Variants in ANKH observed in about 807,000 individuals in gnomAD.
ANKH encodes ANKH inorganic pyrophosphate transport regulator.
ANKH carries 15 observed loss-of-function variants against 49.0 expected under a neutral mutation model. The ratio of observed to expected loss-of-function variants is 0.31; its 90% CI spans 0.20 to 0.47. The LOEUF is 0.47. ANKH is among the 20% of genes least tolerant of loss of function. The pLI is 1.00. For synonymous variants in ANKH, 273 were observed against 260.0 expected (o/e 1.05, Z -0.48); for missense variants, 429 against 652.0 (o/e 0.66, Z 3.72).
At chr5:14,716,244 G>A (rs1737453580) in intron 9 of ANKH, among the ~76,000 whole-genome samples, 2 of 152,194 alleles carry the variant, frequency 1.3e-5, no homozygotes, top group Non-Finnish European at 2.9e-5. Flanking sequence ...GCTCACGCCT[G>A]TAATCCCAGC....
At chr5:14,806,385 T>G (rs951909766) in intron 1 of ANKH, among the ~76,000 whole-genome samples, 1 of 152,116 alleles carries the variant, frequency 6.6e-6, no homozygotes, top group Non-Finnish European at 1.5e-5. Flanking sequence ...CAACAGACTT[T>G]AATGCTTTAA....
intron 1 of ANKH, among the ~76,000 whole-genome samples, chr5:14,782,027 G>C (rs1348971324): frequency 6.6e-6 from 1 of 151,968 alleles, no homozygotes; most frequent in African/African-American, 2.4e-5. Flanking sequence ...TTTTTTTCTT[G>C]ATGACCCCAG....
chr5:14,713,036 G>T lies in ANKH; in HGVS notation c.1266-63C>A. On this transcript the variant is annotated intron_variant, in intron 10 of 11. Coordinates refer to ENST00000284268, the MANE Select transcript of ANKH (RefSeq NM_054027.6). The surrounding 1 kb of genome is among the most constrained non-coding windows in gnomAD (Gnocchi z 4.4). ...GCCAAGTCAAGGCACAACCGTCGAT[G>T]CCAAAACCCAGGAAAGTAAGTGTAG... 1 of 1,488,682 alleles carries T rather than the reference G, an allele frequency of 6.7e-7. No individual in the cohort carries two copies. The highest frequency in any genetic ancestry group is 9.2e-7 in the Non-Finnish European group (1 of 1,084,100). The allele number at this position is 1,488,682 out of a possible 1,614,324, so 92.2% of individuals were successfully genotyped here.
intron 1 of ANKH, among the ~76,000 whole-genome samples, chr5:14,864,041 C>T (rs1273900383): frequency 6.6e-6 from 1 of 152,006 alleles, no homozygotes; most frequent in Non-Finnish European, 1.5e-5. Flanking sequence ...ATCACAAGAC[C>T]CAATCTCTAC....
At chr5:14,820,674 A>T (rs1188046066) in intron 1 of ANKH, among the ~76,000 whole-genome samples, 1 of 152,214 alleles carries the variant, frequency 6.6e-6, no homozygotes, top group Non-Finnish European at 1.5e-5. Flanking sequence ...CACTAAACTG[A>T]CTTGGAAGAA....
At chr5:14,763,816 C>T (rs937568) in intron 2 of ANKH, among the ~76,000 whole-genome samples, 26,011 of 152,170 alleles carry the variant, frequency 0.17, 2,401 homozygotes, top group Middle Eastern at 0.28. Flanking sequence ...AGGCTGGGCA[C>T]GGTGGCTTAT....
At chr5:14,789,912 G>A (rs969074648) in intron 1 of ANKH, among the ~76,000 whole-genome samples, 1 of 152,210 alleles carries the variant, frequency 6.6e-6, no homozygotes, top group South Asian at 2.1e-4. Context: ...GTTTCACCAT[G>A]TTGTCCAGGC....
intron 1 of ANKH, among the ~76,000 whole-genome samples, chr5:14,858,045 A>G (rs1735333011): frequency 1.3e-5 from 2 of 152,272 alleles, no homozygotes; most frequent in South Asian, 4.1e-4. Context: ...TAGTTTGAAC[A>G]TTAACTACAG....
chr5:14,735,492 AT>A (rs1242908300), intron 8 of ANKH, among the ~76,000 whole-genome samples: 1 of 152,230 alleles, frequency 6.6e-6, no homozygotes, highest in Non-Finnish European at 1.5e-5. Context: ...TTCAGAAATC[AT>A]AGTTGTTAGC....
chr5:14,718,268 G>C (rs924637807), intron 8 of ANKH, among the ~76,000 whole-genome samples: 7 of 152,018 alleles, frequency 4.6e-5, no homozygotes, highest in Non-Finnish European at 1.0e-4. Flanking sequence ...CCTGGTTGAG[G>C]GCAGAGTTAC....
rs1177246385 is a variant in ANKH, at chr5:14,741,805, CAG to C, written c.1011+20_1011+21del. 6 of 1,592,754 alleles carry C rather than the reference CAG, an allele frequency of 3.8e-6. No homozygotes were observed. The highest frequency in any genetic ancestry group is 1.1e-5 in the South Asian group (1 of 90,556). ...ACAAAAACCAAACAGAGAGAAGAGG[CAG>C]AGAGAGCCTCTGTCCTTACCGTGAG... On this transcript the variant is annotated intron_variant, in intron 8 of 11. Transcript: ENST00000284268.
intron 1 of ANKH, among the ~76,000 whole-genome samples, chr5:14,861,958 G>A (rs1345984483): frequency 6.6e-6 from 1 of 152,182 alleles, no homozygotes; most frequent in Non-Finnish European, 1.5e-5. Flanking sequence ...TTTTGGGGCT[G>A]AGCATGGTAG....
chr5:14,838,949 T>C (rs189011675), intron 1 of ANKH, among the ~76,000 whole-genome samples: 2 of 152,178 alleles, frequency 1.3e-5, no homozygotes, highest in African/African-American at 2.4e-5. Context: ...AAGACTTGAT[T>C]ATTTGTTAAT....
At chr5:14,777,127 T>TA (rs1469041581) in intron 1 of ANKH, among the ~76,000 whole-genome samples, 29 of 128,500 alleles carry the variant, frequency 2.3e-4, no homozygotes, top group Admixed American at 3.4e-4. Context: ...ACCAAAAATA[T>TA]AAAAAAAGTT....
At chr5:14,844,058 G>A (rs181085874) in intron 1 of ANKH, among the ~76,000 whole-genome samples, 94 of 152,232 alleles carry the variant, frequency 6.2e-4, no homozygotes, top group Non-Finnish European at 7.5e-4. Flanking sequence ...CCCATTCACC[G>A]TAGAGCAAAT....
At chr5:14,734,734 T>C (rs368025083) in intron 8 of ANKH, among the ~76,000 whole-genome samples, 2 of 152,180 alleles carry the variant, frequency 1.3e-5, no homozygotes, top group East Asian at 3.8e-4. Flanking sequence ...GCTTTCAAAC[T>C]CATTCAGGTG....
At chr5:14,810,006 G>GTTTTCCTGTA (rs1458357400) in intron 1 of ANKH, among the ~76,000 whole-genome samples, 2 of 152,114 alleles carry the variant, frequency 1.3e-5, no homozygotes, top group East Asian at 3.9e-4. Flanking sequence ...TGTGTTCCCT[G>GTTTTCCTGTA]GTGGCACTAG....
chr5:14,830,500 A>C (rs1741470320), intron 1 of ANKH, among the ~76,000 whole-genome samples: 1 of 142,810 alleles, frequency 7.0e-6, no homozygotes, highest in Admixed American at 7.1e-5. Context: ...AAATATTGTG[A>C]GGTAGGGGGA....
chr5:14,712,554 C>T lies in ANKH; in HGVS notation c.1365+320G>A, dbSNP rs191585889. On this transcript the variant is annotated intron_variant, in intron 11 of 11. Transcript: ENST00000284268. ...TCCCATCGGCAGCATCGCATGTCTG[C>T]GGGTCATTCCCCAAAGCAAGCCATA... 1.0e-3 allele frequency among the ~76,000 whole-genome samples: 153 copies of T among 152,358 alleles called. 3 individuals carry two copies. The highest frequency in any genetic ancestry group is 6.0e-3 in the East Asian group (31 of 5,184).
Sources: gnomAD v4.1 joint callset for allele counts (sites outside exome capture counted in the v4.1 genomes callset) on GRCh38, gnomAD v4.1.1 for gene constraint, Gnocchi (gnomAD v3.1) non-coding constraint, MANE v1.5 for transcripts, NCBI Gene and HGNC (gene_info 2026-07-23, HGNC 2026-07-21) for gene names.